Variants in SHC2 observed in about 807,000 individuals in gnomAD.
SHC2 encodes SHC adaptor protein 2, also known as SHC-transforming protein 2.
Under a neutral mutation model 60.6 loss-of-function variants are expected in SHC2, and 62 were observed. The observed-to-expected ratio is 1.02, with a 90% CI of 0.83 to 1.26. The LOEUF (loss-of-function observed/expected upper bound fraction) is 1.26. Among genes scored for constraint, SHC2 ranks in the 50% most tolerant of loss-of-function variants. The pLI is 0.00. For synonymous variants in SHC2, 375 were observed against 372.4 expected (o/e 1.01, Z -0.08); for missense variants, 873 against 822.2 (o/e 1.06, Z -0.76).
Position 436,439 on chromosome 19 carries a change from C to G in SHC2, c.775-8G>C. ...CACGTAATCCGTCATGTCCTGGGGGCGGGGAGGGGCCAGCTGGACCTGCCT... is the reference window on the plus strand; with the variant it reads ...CACGTAATCCGTCATGTCCTGGGGGGGGGGAGGGGCCAGCTGGACCTGCCT... On this transcript the variant is annotated splice_polypyrimidine_tract_variant and splice_region_variant and intron_variant, in intron 5 of 12. Transcript: ENST00000264554. 1 of 1,601,454 alleles carries G rather than the reference C, an allele frequency of 6.2e-7. No homozygotes were observed. Among genetic ancestry groups the G allele is most frequent in the South Asian group, 1.1e-5 (1 of 90,600 alleles).
Position 419,004 on chromosome 19 carries a change from T to A in SHC2, c.1673A>T (p.His558Leu). Residue 558 changes from histidine (H) to leucine (L), a missense_variant, in exon 12 of 13, where the codon CAC becomes CTC. Physicochemically the swap from His to Leu is moderately conservative, Grantham distance 99. Coordinates refer to ENST00000264554, the MANE Select transcript of SHC2 (RefSeq NM_012435.3). ...CACGATGGGCTGCCCGTTCTGCAGGTGGTGGTCGATCAGGTGGCTGATGCT... is the reference window on the plus strand; with the variant it reads ...CACGATGGGCTGCCCGTTCTGCAGGAGGTGGTCGATCAGGTGGCTGATGCT... ...FESISHLIDH[H>L]LQNGQPIVAA... 6.3e-7 allele frequency: 1 copy of A among 1,586,970 alleles called. No homozygotes were observed.
At position 422,388 on chromosome 19, in the gene SHC2, G is replaced by T; in HGVS notation, c.1378C>A (p.Pro460Thr). ...VAAGVTAAPL[P>T]LEDQWPSPPT... is the part of the protein sequence containing the mutation. ...GGGCTGGGCCACTGGTCCTCCAAGG[G>T]AAGAGGGGCTGCTGTCACGCCTGCC... Residue 460 changes from proline to threonine, a missense_variant, in exon 11 of 13, where the codon CCC (proline) becomes ACC (threonine). Coordinates refer to ENST00000264554, the MANE Select transcript of SHC2 (RefSeq NM_012435.3). This position sits in a 1 kb window ranked among gnomAD's most constrained non-coding sequence, Gnocchi z 5.0. The T allele has an allele frequency of 6.2e-7, 1 of 1,600,930 alleles. No homozygotes were observed. The highest frequency in any genetic ancestry group is 8.5e-7 in the Non-Finnish European group (1 of 1,174,562).
chr19:430,587 G>A (rs980347412), intron 9 of SHC2, 97 bp downstream of exon 9: 3 of 890,114 alleles, frequency 3.4e-6, no homozygotes, highest in Non-Finnish European at 5.2e-6. Flanking sequence ...TGTGAAATAA[G>A]CAGAGAGGAG....
At chr19:433,461 CGTGA>C (rs1194155827) in intron 8 of SHC2, among the ~76,000 whole-genome samples, 2 of 18,586 alleles carry the variant, frequency 1.1e-4, no homozygotes, top group East Asian at 1.9e-3. Context: ...GGCGCTTCAT[CGTGA>C]GTGAGATCGT....
At position 440,664 on chromosome 19, in the gene SHC2, C is replaced by G. The variant is rs185719018; in HGVS notation, c.539+198G>C. Among the ~76,000 whole-genome samples the G allele has an allele frequency of 4.1e-4, 63 of 152,326 alleles. No individual in the cohort carries two copies. The highest frequency in any genetic ancestry group is 6.6e-4 in the Non-Finnish European group (45 of 68,020). On this transcript the variant is annotated intron_variant, in intron 2 of 12. Transcript: ENST00000264554. The surrounding 1 kb of genome is among the most constrained non-coding windows in gnomAD (Gnocchi z 7.0). ...TTCCATCTTAGAGGATCGAGGTCTG[C>G]AGGGCACGGTGACCGACACCTGGCG...
At chr19:431,102 G>A (rs958950185) in intron 8 of SHC2, among the ~76,000 whole-genome samples, 10 of 146,254 alleles carry the variant, frequency 6.8e-5, no homozygotes, top group Non-Finnish European at 9.1e-5. Flanking sequence ...GAAGGCCTCC[G>A]GACCGCCCTA....
Position 460,605 on chromosome 19 carries a change from A to T in SHC2, c.392T>A (p.Phe131Tyr). 7.2e-7 allele frequency: 1 copy of T among 1,380,596 alleles called. No homozygotes were observed. 85.5% of individuals were successfully genotyped at this position (1,380,596 alleles called of 1,614,324 possible). The change falls in exon 1 of 13, where the codon TTC becomes TAC. Residue 131 changes from phenylalanine to tyrosine, a missense_variant. Coordinates refer to ENST00000264554, the MANE Select transcript of SHC2 (RefSeq NM_012435.3). ...AAAEWIRKGS[F>Y]IHKPAHGWLH... ...CCAGCCGTGCGCGGGTTTGTGGATG[A>T]AGCTGCCCTTCCGGATCCACTCGGC...
At chr19:443,742 A>ATGGACGGATGGTTGGATGGG (rs1974975763) in intron 1 of SHC2, among the ~76,000 whole-genome samples, 2 of 143,144 alleles carry the variant, frequency 1.4e-5, no homozygotes, top group African/African-American at 2.6e-5. Flanking sequence ...GGGTGGATGG[A>ATGGACGGATGGTTGGATGGG]TGGACGGATG....
rs1318010903 is a variant in SHC2 at position 441,258 on chromosome 19, G to A, written c.469-326C>T. 2.7e-6 allele frequency: 2 copies of A among 734,874 alleles called. No homozygotes were observed. Among genetic ancestry groups the A allele is most frequent in the Non-Finnish European group, 1.7e-6 (1 of 605,290 alleles). 45.5% of individuals were successfully genotyped at this position (734,874 alleles called of 1,614,324 possible). A position where few individuals can be genotyped will look rare whatever the true frequency, so the allele number is the denominator to read the frequency against. On this transcript the variant is annotated intron_variant, in intron 1 of 12. Transcript: ENST00000264554. The surrounding 1 kb of genome is among the most constrained non-coding windows in gnomAD (Gnocchi z 4.9). The stretch of plus-strand genomic sequence containing the variant: ...TTTCTGTTCCACCAGCACCGAAGCC[G>A]AGGAGCGTGGGGATGGTGCGATCCT...
In SHC2 at chr19:436,384, C is replaced by T; in HGVS notation, c.822G>A (p.Gln274=). Residue 274 remains glutamine, a synonymous_variant, in exon 6 of 13, where the codon CAG becomes CAA. Transcript: ENST00000264554. ...CGGCCTCCCCGGGGGCCTCACCTCT[C>T]TGGTTGATGGGGTCCTTGGCGACGT... ...VAYVAKDPIN[Q]RACHILECCE... is the part of the protein sequence containing the mutation. 1 of 1,594,600 alleles carries T rather than the reference C, an allele frequency of 6.3e-7. No individual in the cohort carries two copies. The highest frequency in any genetic ancestry group is 8.6e-7 in the Non-Finnish European group (1 of 1,167,360).
At chr19:458,778 C>CGGGGAGGCGGAAGCGGGTCCT (rs1206159535) in intron 1 of SHC2, among the ~76,000 whole-genome samples, 5 of 100,096 alleles carry the variant, frequency 5.0e-5, no homozygotes, top group African/African-American at 1.6e-4. Context: ...AGGCGGGTTC[C>CGGGGAGGCGGAAGCGGGTCCT]GGGGAGGCGG....
At chr19:447,362 G>C (rs1473096046) in intron 1 of SHC2, among the ~76,000 whole-genome samples, 1 of 152,230 alleles carries the variant, frequency 6.6e-6, no homozygotes, top group Non-Finnish European at 1.5e-5. Context: ...TTTGCCTGAC[G>C]GGAGCGTCCT....
intron 8 of SHC2, among the ~76,000 whole-genome samples, chr19:434,451 A>G (rs1169026206): frequency 1.8e-4 from 1 of 5,504 alleles, no homozygotes; most frequent in East Asian, 3.4e-3. Context: ...TGAGTCTGTG[A>G]GATAGTGAGC....
intron 12 of SHC2, among the ~76,000 whole-genome samples, chr19:418,051 A>C (rs1051164502): frequency 4.1e-5 from 6 of 147,246 alleles, no homozygotes; most frequent in African/African-American, 1.3e-4. Flanking sequence ...CCCCAACCTC[A>C]CCCCAGAGGA....
At chr19:442,535 ATGG>A (rs1568292408) in intron 1 of SHC2, among the ~76,000 whole-genome samples, 5 of 25,476 alleles carry the variant, frequency 2.0e-4, no homozygotes, top group Admixed American at 4.5e-4. Flanking sequence ...GGGTGGATGG[ATGG>A]GTGGGTGGGT....
intron 10 of SHC2, among the ~76,000 whole-genome samples, chr19:423,975 G>A (rs1192913860): frequency 1.3e-5 from 2 of 152,200 alleles, no homozygotes; most frequent in Non-Finnish European, 2.9e-5. Flanking sequence ...TTCACGTAGT[G>A]CTTGGTACAC....
rs1469355506 is a variant in SHC2, at chr19:440,064, G to A, written c.539+798C>T. Among the ~76,000 whole-genome samples, 1 of 137,180 alleles carries A rather than the reference G, an allele frequency of 7.3e-6. No homozygotes were observed. Among genetic ancestry groups the A allele is most frequent in the East Asian group, 2.4e-4 (1 of 4,100 alleles). 90.0% of individuals were successfully genotyped at this position (137,180 alleles called of 152,430 possible). On this transcript the variant is annotated intron_variant, in intron 2 of 12. Transcript: ENST00000264554. This position sits in a 1 kb window ranked among gnomAD's most constrained non-coding sequence, Gnocchi z 7.0. ...AAAAAGGAGCAAGGCTCTGACCCAG[G>A]CCACAGCGCGGACACACCTCGGGAA...
At chr19:437,583 G>A (rs1179386880) in intron 4 of SHC2, among the ~76,000 whole-genome samples, 1 of 152,096 alleles carries the variant, frequency 6.6e-6, no homozygotes, top group East Asian at 1.9e-4. Flanking sequence ...TGGAGCCTCA[G>A]TATCCTGTCC....
At chr19:455,579 T>G (rs1439704653) in intron 1 of SHC2, among the ~76,000 whole-genome samples, 5 of 152,232 alleles carry the variant, frequency 3.3e-5, no homozygotes, top group Non-Finnish European at 1.5e-5. Flanking sequence ...TGGGGGGTTC[T>G]GCGATGCCGG....
Sources: gnomAD v4.1 joint callset for allele counts (sites outside exome capture counted in the v4.1 genomes callset) on GRCh38, gnomAD v4.1.1 for gene constraint, Gnocchi (gnomAD v3.1) non-coding constraint, MANE v1.5 for transcripts, NCBI Gene and HGNC (gene_info 2026-07-23, HGNC 2026-07-21) for gene names.